SELENOO: variants seen among roughly 807,000 people sequenced by gnomAD.
The protein encoded by SELENOO is protein adenylyltransferase SelO, mitochondrial.
Under a neutral mutation model 58.7 loss-of-function variants are expected in SELENOO, and 74 were observed. The observed-to-expected ratio is 1.26, with a 90% CI of 1.04 to 1.53. The LOEUF (loss-of-function observed/expected upper bound fraction) is 1.53, where lower values mean the gene tolerates loss of function less well. Among genes scored for constraint, SELENOO ranks in the 40% most tolerant of loss-of-function variants. The probability of loss-of-function intolerance (pLI) is 0.00; values close to 1 mark genes in which losing one functional copy is unlikely to be tolerated. For synonymous variants in SELENOO, 543 were observed against 453.2 expected, an observed-to-expected ratio of 1.20 and a Z score of -2.52; for missense variants, 1,149 against 970.0, an observed-to-expected ratio of 1.18 and a Z score of -2.45.
Position 50,217,376 on chromosome 22 carries a change from C to T in SELENOO, c.*7C>T, listed in dbSNP as rs377561008. The stretch of plus-strand genomic sequence containing the variant: ...CGTGACATGATCTTCGTAACGGCCT[C>T]GGCACGCTCCACACCCCTGGAGTCT... On this transcript the variant is annotated 3_prime_UTR_variant, in exon 9 of 9. Coordinates refer to ENST00000380903, the MANE Select transcript of SELENOO (RefSeq NM_031454.2). 2.2e-5 allele frequency: 35 copies of T among 1,612,456 alleles called. No homozygotes were observed. Among genetic ancestry groups the T allele is most frequent in the Middle Eastern group, 1.7e-4 (1 of 6,056 alleles).
Position 50,201,547 on chromosome 22 carries a change from T to TG in SELENOO, c.514dup (p.Glu172GlyfsTer62). ...GGTGTGCACGGCGACCGGCGAGCGC[T>TG]GGGAGCTGCAGCTCAAGGGCGCCGG... On this transcript the variant is annotated frameshift_variant, in exon 1 of 9. Coordinates refer to ENST00000380903, the MANE Select transcript of SELENOO (RefSeq NM_031454.2). LOFTEE classifies it high-confidence loss of function. 1 of 1,388,172 alleles carries TG rather than the reference T, an allele frequency of 7.2e-7. No homozygotes were observed. Among genetic ancestry groups the TG allele is most frequent in the South Asian group, 1.5e-5 (1 of 66,748 alleles). The allele number at this position is 1,388,172 out of a possible 1,614,324, so 86.0% of individuals were successfully genotyped here. A position where few individuals can be genotyped will look rare whatever the true frequency, so the allele number is the denominator to read the frequency against.
At chr22:50,201,711 C>CG (rs2064302939) in intron 1 of SELENOO, 121 bp downstream of exon 1, 1 of 689,146 alleles carries the variant, frequency 1.5e-6, no homozygotes, top group Non-Finnish European at 2.0e-6. Context: ...CCCCTGCACC[C>CG]GCGGGAGCGC....
Position 50,217,350 on chromosome 22 carries a change from G to A in SELENOO, c.1991G>A (p.Cys664Tyr). 1.9e-6 allele frequency: 3 copies of A among 1,612,896 alleles called. No individual in the cohort carries two copies. The highest frequency in any genetic ancestry group is 2.5e-6 in the Non-Finnish European group (3 of 1,179,940). ...CCCCCGCTCTGGGCAGCAGAACTGT[G>A]CGTGACATGATCTTCGTAACGGCCT... ...SKPPLWAAEL[C>Y]VTUSS Residue 664 changes from cysteine (C) to tyrosine (Y), a missense_variant, in exon 9 of 9, where the codon TGC (cysteine) becomes TAC (tyrosine). Coordinates refer to ENST00000380903, the MANE Select transcript of SELENOO (RefSeq NM_031454.2).
In SELENOO at chr22:50,213,794, C is replaced by A. The variant is rs542295118; in HGVS notation, c.1352-1923C>A. On this transcript the variant is annotated intron_variant, in intron 5 of 8. Transcript: ENST00000380903. ...TCCCGAGTAGCTGGGACTACAGGCG[C>A]CTGCCACCACGCCCGGGTAATTTTT... Among the ~76,000 whole-genome samples, 15 of 131,440 alleles carry A rather than the reference C, an allele frequency of 1.1e-4. No homozygotes were observed. In the South Asian group the frequency reaches 4.1e-3, roughly 36 times the overall value. 86.2% of individuals were successfully genotyped at this position (131,440 alleles called of 152,430 possible). A position where few individuals can be genotyped will look rare whatever the true frequency, so the allele number is the denominator to read the frequency against.
intron 5 of SELENOO, among the ~76,000 whole-genome samples, chr22:50,213,427 T>G (rs927947347): frequency 2.0e-5 from 3 of 152,184 alleles, no homozygotes; most frequent in African/African-American, 7.2e-5. Flanking sequence ...TTTTGAGGTT[T>G]ATTACAACTT....
chr22:50,212,219 C>T (rs774129612), intron 5 of SELENOO, among the ~76,000 whole-genome samples: 9 of 152,054 alleles, frequency 5.9e-5, no homozygotes, highest in East Asian at 1.9e-4. Flanking sequence ...GCCATTTGTT[C>T]GTAAGAGTAT....
At position 50,203,412 on chromosome 22, in the gene SELENOO, C is replaced by T. The variant is rs566338982; in HGVS notation, c.554+1822C>T. ...CAATTCATATGGAATCTCAAGGGAC[C>T]CTGAATGGACAAAACAATCTTGAAG... On this transcript the variant is annotated intron_variant, in intron 1 of 8. Coordinates refer to ENST00000380903, the MANE Select transcript of SELENOO (RefSeq NM_031454.2). Among the ~76,000 whole-genome samples the T allele has an allele frequency of 1.7e-3, 266 of 152,170 alleles. 1 individual carries two copies. The highest frequency in any genetic ancestry group is 6.0e-3 in the African/African-American group (250 of 41,506).
In SELENOO at chr22:50,201,085, C is replaced by T; in HGVS notation, c.49C>T (p.Leu17Phe). 1.5e-6 allele frequency: 2 copies of T among 1,366,782 alleles called. No homozygotes were observed. The highest frequency in any genetic ancestry group is 1.9e-6 in the Non-Finnish European group (2 of 1,059,770). The allele number at this position is 1,366,782 out of a possible 1,614,324, so 84.7% of individuals were successfully genotyped here. The change falls in exon 1 of 9, where the codon CTC becomes TTC. Residue 17 changes from leucine (L) to phenylalanine (F), a missense_variant. Leu to Phe is a conservative substitution (Grantham distance 22). Transcript: ENST00000380903. ...CGGGGCTTCGCTCGCGGCTGCCCGA[C>T]TCTTGCCCCTCGGTCGCTGTTCCCC... The part of the protein sequence containing the change: ...ALGASLAAAR[L>F]LPLGRCSPSP...
Position 50,210,858 on chromosome 22 carries a change from T to G in SELENOO, c.1298T>G (p.Leu433Arg), listed in dbSNP as rs763515680. ...AAGCTGGGCCTCGTGCAGGTGGAGC[T>G]GGAGGAAGACGGGGCGCTGGTGTCC... is the stretch of plus-strand genomic sequence containing the variant. Reference protein sequence around the residue: ...RRKLGLVQVELEEDGALVSKL... With the variant: ...RRKLGLVQVEREEDGALVSKL... Residue 433 changes from leucine (L) to arginine (R), a missense_variant, in exon 5 of 9, where the codon CTG becomes CGG. By Grantham distance (102) the Leu-to-Arg change is moderately radical (BLOSUM62 -2). Transcript: ENST00000380903. 3 of 1,614,018 alleles carry G rather than the reference T, an allele frequency of 1.9e-6. No individual in the cohort carries two copies. Among genetic ancestry groups the G allele is most frequent in the Non-Finnish European group, 2.5e-6 (3 of 1,180,038 alleles).
Position 50,208,542 on chromosome 22 carries a change from A to AT in SELENOO, c.766dup (p.Ser256PhefsTer3). ...CCTCGGGTCTTCCCTCCAGGTTTGGATCCTTTGAGATTTTTAAGTCTGCAG... is the reference window on the plus strand; with the variant it reads ...CCTCGGGTCTTCCCTCCAGGTTTGGATTCCTTTGAGATTTTTAAGTCTGCAG... On this transcript the variant is annotated frameshift_variant, in exon 3 of 9. Coordinates refer to ENST00000380903, the MANE Select transcript of SELENOO (RefSeq NM_031454.2). LOFTEE classifies it high-confidence loss of function. The AT allele has an allele frequency of 6.2e-7, 1 of 1,611,720 alleles. No homozygotes were observed. Among genetic ancestry groups the AT allele is most frequent in the South Asian group, 1.1e-5 (1 of 90,924 alleles).
Position 50,217,213 on chromosome 22 carries a change from G to A in SELENOO, c.1854G>A (p.Arg618=), listed in dbSNP as rs2064424894. The change falls in exon 9 of 9, where the codon CGG becomes CGA. Residue 618 remains arginine, a synonymous_variant. Transcript: ENST00000380903. ...CCCTCCTGATCCTCCAGGTGCGGCG[G>A]GTGCTGAAACTACTGGAGACCCCTT... The part of the protein sequence containing the change: ...AERGDFSEVR[R]VLKLLETPYH... 19 of 1,611,576 alleles carry A rather than the reference G, an allele frequency of 1.2e-5. No homozygotes were observed. The East Asian group carries it at 3.8e-4, about 32-fold the overall frequency.
chr22:50,205,397 G>A (rs75034459), intron 1 of SELENOO, among the ~76,000 whole-genome samples: 2,419 of 152,252 alleles, frequency 0.016, 51 homozygotes, highest in East Asian at 0.073. Context: ...ACTAGCGTGG[G>A]CAACATAAAC....
At chr22:50,201,954 C>T (rs965295348) in intron 1 of SELENOO, among the ~76,000 whole-genome samples, 1 of 152,236 alleles carries the variant, frequency 6.6e-6, no homozygotes, top group Non-Finnish European at 1.5e-5. Context: ...CTGCGACTGA[C>T]TTCACGGAGG....
At chr22:50,210,956 T>C (rs922527116) in intron 5 of SELENOO, 45 bp downstream of exon 5, 2 of 1,608,472 alleles carry the variant, frequency 1.2e-6, no homozygotes. Context: ...TCCCGTGCTG[T>C]TGTGCTTAGA....
rs1264725791 is a variant in SELENOO, at chr22:50,210,109, G to A, written c.940-72G>A. 3.2e-6 allele frequency: 5 copies of A among 1,554,092 alleles called. No individual in the cohort carries two copies. In the African/African-American group the frequency reaches 5.4e-5, roughly 17 times the overall value. On this transcript the variant is annotated intron_variant, in intron 3 of 8. Coordinates refer to ENST00000380903, the MANE Select transcript of SELENOO (RefSeq NM_031454.2). Reference sequence around the variant, plus strand: ...CGAAGCACAGCCGGTTTCAGGGAGGGGAAGGATGGACACGAGTGGGGAGGT... The same window carrying A: ...CGAAGCACAGCCGGTTTCAGGGAGGAGAAGGATGGACACGAGTGGGGAGGT...
In SELENOO at chr22:50,210,583, G is replaced by A. The variant is rs530521989; in HGVS notation, c.1071-48G>A. On this transcript the variant is annotated intron_variant, in intron 4 of 8. Transcript: ENST00000380903. The stretch of plus-strand genomic sequence containing the variant: ...CTCCAGGGTGGCTGCACCATCTCCC[G>A]GGAACTTCCTCTCAGGCAGGGCGTG... The A allele has an allele frequency of 3.8e-5, 61 of 1,611,208 alleles. 1 individual carries two copies. The Middle Eastern group carries it at 5.1e-3, about 135-fold the overall frequency.
chr22:50,215,860 G>A lies in SELENOO; in HGVS notation c.1495G>A (p.Asp499Asn), dbSNP rs1270358011. 6.2e-7 allele frequency: 1 copy of A among 1,607,058 alleles called. No homozygotes were observed. The highest frequency in any genetic ancestry group is 8.5e-7 in the Non-Finnish European group (1 of 1,175,158). ...GAGGCTGGCCTTCCGGCCCCAGATGGATCCCCGGTGGGTACTCAGTTCCTA... is the reference window on the plus strand; with the variant it reads ...GAGGCTGGCCTTCCGGCCCCAGATGAATCCCCGGTGGGTACTCAGTTCCTA... ...ELRLAFRPQM[D>N]PRQLSMMLML... The change falls in exon 6 of 9, where the codon GAT becomes AAT. Residue 499 changes from aspartate to asparagine, a missense_variant. Asp to Asn is a conservative substitution (Grantham distance 23). Transcript: ENST00000380903.
intron 1 of SELENOO, among the ~76,000 whole-genome samples, chr22:50,202,034 G>T (rs1313718298): frequency 6.6e-6 from 1 of 152,166 alleles, no homozygotes; most frequent in African/African-American, 2.4e-5. Flanking sequence ...TTAGATTTCT[G>T]TGGGGGGGCA....
intron 1 of SELENOO, among the ~76,000 whole-genome samples, chr22:50,204,897 T>C (rs761971928): frequency 7.2e-5 from 11 of 152,178 alleles, no homozygotes; most frequent in Non-Finnish European, 1.3e-4. Flanking sequence ...GTACATACAG[T>C]GGAATATTAT....
Sources: gnomAD v4.1 joint callset for allele counts (sites outside exome capture counted in the v4.1 genomes callset) on GRCh38, gnomAD v4.1.1 for gene constraint, MANE v1.5 for transcripts, NCBI Gene and HGNC (gene_info 2026-07-23, HGNC 2026-07-21) for gene names.